PREX1: variants seen among roughly 807,000 people sequenced by gnomAD.
PREX1 encodes phosphatidylinositol-3,4,5-trisphosphate dependent Rac exchange factor 1, also known as phosphatidylinositol 3,4,5-trisphosphate-dependent Rac exchanger 1 protein.
In PREX1, 41 loss-of-function variants were observed where a neutral mutation model predicts 198.3. The observed-to-expected ratio is 0.21, with a 90% CI of 0.16 to 0.27. The LOEUF (loss-of-function observed/expected upper bound fraction) is 0.27. Ranked by LOEUF, PREX1 falls within the 10% of genes least tolerant of loss-of-function variation. The pLI, the probability that PREX1 is intolerant of heterozygous loss-of-function variation, is 1.00. For missense variants in PREX1, 1,620 were observed against 2,200.7 expected, an observed-to-expected ratio of 0.74 and a Z score of 5.28; for synonymous variants, 843 against 887.2, an observed-to-expected ratio of 0.95 and a Z score of 0.89.
In PREX1 at chr20:48,764,801, AG is replaced by A. The variant is rs1485177117; in HGVS notation, c.220-16922del. On this transcript the variant is annotated intron_variant, in intron 1 of 39. Transcript: ENST00000371941. ...TTTCTCAAAAAAAAAAAAAAAAGAAAGAAAGAAAGAAAAAGAGGGAGGTAGG... is the reference window on the plus strand; with the variant it reads ...TTTCTCAAAAAAAAAAAAAAAAGAAAAAAGAAAGAAAAAGAGGGAGGTAGG... Among the ~76,000 whole-genome samples, 323 of 149,738 alleles carry A rather than the reference AG, an allele frequency of 2.2e-3. 18 individuals carry two copies. The highest frequency in any genetic ancestry group is 7.6e-3 in the South Asian group (36 of 4,708).
intron 1 of PREX1, among the ~76,000 whole-genome samples, chr20:48,774,946 G>C (rs1485135727): frequency 6.6e-6 from 1 of 152,244 alleles, no homozygotes; most frequent in African/African-American, 2.4e-5. Flanking sequence ...GGCTCTGCAG[G>C]GTGGCAGGGG....
chr20:48,652,151 G>GC (rs1397116459), intron 21 of PREX1, among the ~76,000 whole-genome samples: 3 of 152,214 alleles, frequency 2.0e-5, no homozygotes, highest in Non-Finnish European at 4.4e-5. Context: ...GGGCATCGCG[G>GC]CCGTGCGCAG....
Position 48,649,984 on chromosome 20 carries a change from A to G in PREX1, c.3028+12T>C, listed in dbSNP as rs370942046. Reference sequence around the variant, plus strand: ...CATCTGAACACAGTTTCTAATAGACACACACAGGTACCTTGCTCCGGGTCA... The same window carrying G: ...CATCTGAACACAGTTTCTAATAGACGCACACAGGTACCTTGCTCCGGGTCA... On this transcript the variant is annotated intron_variant, in intron 24 of 39. Coordinates refer to ENST00000371941, the MANE Select transcript of PREX1 (RefSeq NM_020820.4). The G allele has an allele frequency of 2.5e-6, 4 of 1,612,908 alleles. No homozygotes were observed. The highest frequency in any genetic ancestry group is 3.4e-6 in the Non-Finnish European group (4 of 1,179,054).
intron 27 of PREX1, 189 bp from the exon 28 acceptor site, chr20:48,642,678 T>C (rs2089423512): frequency 1.8e-6 from 1 of 553,728 alleles, no homozygotes; most frequent in African/African-American, 1.9e-5. Context: ...AGTTTCTTCA[T>C]CTGCAAAATG....
intron 7 of PREX1, among the ~76,000 whole-genome samples, chr20:48,693,520 G>A (rs1425752613): frequency 2.6e-5 from 4 of 152,206 alleles, no homozygotes; most frequent in East Asian, 1.9e-4. Flanking sequence ...CGCCAGCACC[G>A]AGTCTACTAG....
intron 37 of PREX1, among the ~76,000 whole-genome samples, chr20:48,628,776 C>T (rs2089291927): frequency 6.6e-6 from 1 of 152,208 alleles, no homozygotes; most frequent in Non-Finnish European, 1.5e-5. Context: ...AGGCAGAGAG[C>T]ACTGGCCCCG....
intron 1 of PREX1, among the ~76,000 whole-genome samples, chr20:48,752,775 C>A (rs1463804385): frequency 6.6e-6 from 1 of 152,162 alleles, no homozygotes; most frequent in African/African-American, 2.4e-5. Flanking sequence ...TGCTACTTGC[C>A]CTTGAATCAG....
At chr20:48,734,051 C>T (rs923846243) in intron 4 of PREX1, among the ~76,000 whole-genome samples, 20 of 152,118 alleles carry the variant, frequency 1.3e-4, no homozygotes, top group African/African-American at 4.3e-4. Flanking sequence ...CGCACCTGGC[C>T]GCTTAAGCCA....
intron 10 of PREX1, 98 bp downstream of exon 10, chr20:48,688,559 C>A: frequency 6.7e-7 from 1 of 1,499,282 alleles, no homozygotes; most frequent in Non-Finnish European, 9.1e-7. Flanking sequence ...CAGGATGGCT[C>A]CTGGGCAGGG....
At chr20:48,829,928 T>G (rs1029911648), upstream of PREX1, among the ~76,000 whole-genome samples, 12 of 152,304 alleles carry the variant, frequency 7.9e-5, no homozygotes, top group African/African-American at 2.9e-4. Context: ...CAATACAGAC[T>G]TTCTCAACCT....
At chr20:48,802,814 G>A (rs1000228238) in intron 1 of PREX1, among the ~76,000 whole-genome samples, 1 of 152,202 alleles carries the variant, frequency 6.6e-6, no homozygotes, top group Non-Finnish European at 1.5e-5. Context: ...ACATGGTGTG[G>A]GAATCCCCCA....
chr20:48,649,691 T>C (rs2089477960), intron 24 of PREX1, 115 bp from the exon 25 acceptor site: 1 of 1,237,820 alleles, frequency 8.1e-7, no homozygotes, highest in Non-Finnish European at 1.1e-6. Context: ...AAAATGTCCC[T>C]TCTAAATACT....
chr20:48,814,117 T>C (rs957159662), intron 1 of PREX1, among the ~76,000 whole-genome samples: 5 of 152,170 alleles, frequency 3.3e-5, no homozygotes, highest in Non-Finnish European at 5.9e-5. Context: ...CCCCTACACG[T>C]GGGTTCATGC....
rs1478523936 is a variant in PREX1 at position 48,627,548 on chromosome 20, C to T, written c.4937G>A (p.Arg1646His). The change falls in exon 39 of 40, where the codon CGC becomes CAC. Residue 1646 changes from arginine (R) to histidine (H), a missense_variant and splice_region_variant. Coordinates refer to ENST00000371941, the MANE Select transcript of PREX1 (RefSeq NM_020820.4). ...VKDQMPQGAP[R>H]LYRLCQPPVD... ...AGGGGCGGACGAGGCAGCCACTCAC[C>T]GCGGAGCACCCTGGGGCATCTGGTC... 6.2e-6 allele frequency: 10 copies of T among 1,613,814 alleles called. No individual in the cohort carries two copies. In the Admixed American group the frequency reaches 8.3e-5, roughly 13 times the overall value.
intron 5 of PREX1, among the ~76,000 whole-genome samples, chr20:48,709,340 C>A (rs918870382): frequency 6.6e-6 from 1 of 152,216 alleles, no homozygotes; most frequent in Non-Finnish European, 1.5e-5. Context: ...CCTCGACGAT[C>A]CAGATAACAT....
At position 48,650,428 on chromosome 20, in the gene PREX1, G is replaced by A. The variant is rs1386134074; in HGVS notation, c.2818-222C>T. 2.6e-5 allele frequency among the ~76,000 whole-genome samples: 4 copies of A among 152,238 alleles called. No homozygotes were observed. The East Asian group carries it at 7.7e-4, about 29-fold the overall frequency. On this transcript the variant is annotated intron_variant, in intron 23 of 39. Transcript: ENST00000371941. ...CAAGGCCTCGGGGTGCCCACCCCAT[G>A]CATGGCTCCATTTTGGCTGCCCCTG...
At chr20:48,682,540 G>T (rs781627755) in intron 10 of PREX1, among the ~76,000 whole-genome samples, 2 of 152,176 alleles carry the variant, frequency 1.3e-5, no homozygotes, top group African/African-American at 4.8e-5. Flanking sequence ...AGGGCTCAAT[G>T]ATCATTTATG....
At chr20:48,863,027 C>T in the PREX1 span, among the ~76,000 whole-genome samples, 1 of 151,612 alleles carries the variant, frequency 6.6e-6, no homozygotes, top group South Asian at 2.1e-4. Context: ...GGGGTCACAC[C>T]AGGTTGCCTG....
At chr20:48,816,195 G>T (rs1172078391) in intron 1 of PREX1, among the ~76,000 whole-genome samples, 1 of 152,134 alleles carries the variant, frequency 6.6e-6, no homozygotes. Flanking sequence ...CCTTACTCAG[G>T]GTTCACTCTG....
Sources: gnomAD v4.1 joint callset for allele counts (sites outside exome capture counted in the v4.1 genomes callset) on GRCh38, gnomAD v4.1.1 for gene constraint, MANE v1.5 for transcripts, NCBI Gene and HGNC (gene_info 2026-07-23, HGNC 2026-07-21) for gene names.